KYAT3: variants seen among roughly 807,000 people sequenced by gnomAD.
The protein encoded by KYAT3 is kynurenine--oxoglutarate transaminase 3.
KYAT3 carries 50 observed loss-of-function variants against 59.0 expected under a neutral mutation model. The ratio of observed to expected loss-of-function variants is 0.85; its 90% CI spans 0.68 to 1.07. KYAT3 has a LOEUF of 1.07. Ranked by LOEUF, KYAT3 falls within the 50% of genes least tolerant of loss-of-function variation. KYAT3 has a pLI of 0.00. For missense variants in KYAT3, 497 were observed against 533.3 expected, an observed-to-expected ratio of 0.93 and a Z score of 0.67; for synonymous variants, 148 against 177.0, an observed-to-expected ratio of 0.84 and a Z score of 1.30.
intron 8 of KYAT3, among the ~76,000 whole-genome samples, chr1:88,958,242 T>C (rs1204284279): frequency 6.6e-6 from 1 of 152,126 alleles, no homozygotes; most frequent in Non-Finnish European, 1.5e-5. Flanking sequence ...TTTACCCTGG[T>C]TAAAGGTCTC....
chr1:88,983,965 T>C (rs1677282205), intron 2 of KYAT3: 1 of 922,406 alleles, frequency 1.1e-6, no homozygotes, highest in Non-Finnish European at 1.7e-6. Flanking sequence ...CTAGCACTAC[T>C]GCGCAATCTG....
chr1:88,972,863 T>C (rs1676604641), intron 2 of KYAT3, among the ~76,000 whole-genome samples: 1 of 152,164 alleles, frequency 6.6e-6, no homozygotes, highest in African/African-American at 2.4e-5. Context: ...GTGAAAAACA[T>C]GGTGGAAATG....
At chr1:88,983,468 C>T in intron 2 of KYAT3, 1 of 1,614,112 alleles carries the variant, frequency 6.2e-7, no homozygotes, top group Non-Finnish European at 8.5e-7. Context: ...AGGAGGTCCC[C>T]TGGTTCCTCC....
intron 2 of KYAT3, chr1:88,981,928 G>C (rs1378993964): frequency 1.0e-6 from 1 of 975,892 alleles, no homozygotes; most frequent in East Asian, 1.1e-4. Context: ...GCAAAAATTT[G>C]AAAGAGTAAG....
intron 2 of KYAT3, among the ~76,000 whole-genome samples, chr1:88,978,936 T>A (rs1676934204): frequency 6.6e-6 from 1 of 152,050 alleles, no homozygotes; most frequent in Admixed American, 6.5e-5. Context: ...ATTGCAGGCA[T>A]GAGCCACCAC....
the KYAT3 span, among the ~76,000 whole-genome samples, chr1:88,930,092 C>T: frequency 7.9e-5 from 12 of 152,254 alleles, 2 homozygotes; most frequent in African/African-American, 2.9e-4. Context: ...TACACAGGTC[C>T]GAGGGATCAG....
intron 2 of KYAT3, chr1:88,983,421 T>C: frequency 6.2e-7 from 1 of 1,614,228 alleles, no homozygotes; most frequent in African/African-American, 1.3e-5. Context: ...TTAAAATTCA[T>C]GGAATATCCA....
At chr1:88,921,956 C>A in the KYAT3 span, among the ~76,000 whole-genome samples, 1 of 152,146 alleles carries the variant, frequency 6.6e-6, no homozygotes, top group African/African-American at 2.4e-5. Flanking sequence ...AAAAAACGTC[C>A]CCCTGTAAAC....
intron 2 of KYAT3, among the ~76,000 whole-genome samples, chr1:88,985,898 G>A (rs1461328807): frequency 1.3e-5 from 2 of 152,090 alleles, no homozygotes; most frequent in Admixed American, 6.5e-5. Context: ...AGAGAGGGTT[G>A]GGCTGGACGC....
At chr1:88,938,196 A>G (rs1174453397) in intron 13 of KYAT3, among the ~76,000 whole-genome samples, 1 of 152,146 alleles carries the variant, frequency 6.6e-6, no homozygotes, top group African/African-American at 2.4e-5. Flanking sequence ...AAGTTCTTGA[A>G]ACTTTTAGGT....
In KYAT3 at chr1:88,961,472, T is replaced by C. The variant is rs183255042; in HGVS notation, c.575A>G (p.Asp192Gly). The C allele has an allele frequency of 5.8e-4, 933 of 1,613,354 alleles. 7 individuals are homozygous for C. Among genetic ancestry groups the C allele is most frequent in the Non-Finnish European group, 1.1e-4 (124 of 1,179,406 alleles). ...PVYGKRWSSSDWTLDPQELES... is the reference protein window; with the variant it reads ...PVYGKRWSSSGWTLDPQELES... ...CAGTTCTTGAGGATCTAATGTCCAG[T>C]CAGAACTAGACCATCTTTTTCCATA... The change falls in exon 7 of 14, where the codon GAC becomes GGC. Residue 192 changes from aspartate to glycine, a missense_variant. Coordinates refer to ENST00000260508, the MANE Select transcript of KYAT3 (RefSeq NM_001008661.3).
At position 88,983,501 on chromosome 1, in the gene KYAT3, A is replaced by C. The variant is rs199775968; in HGVS notation, c.99+4751T>G. 4.7e-5 allele frequency: 76 copies of C among 1,614,048 alleles called. No individual in the cohort carries two copies. In the East Asian group the frequency reaches 1.4e-3, roughly 30 times the overall value. On this transcript the variant is annotated intron_variant, in intron 2 of 13. Transcript: ENST00000260508. ...TCCACTTCCTCCTCTTCCAGCTCCA[A>C]AACCTCTTGGAGGACCTCTACTTCT...
In KYAT3 at chr1:88,987,107, C is replaced by T. The variant is rs78869971; in HGVS notation, c.99+1145G>A. 6.8e-3 allele frequency among the ~76,000 whole-genome samples: 1,035 copies of T among 152,304 alleles called. 7 individuals carry two copies. Among genetic ancestry groups the T allele is most frequent in the African/African-American group, 0.024 (1,004 of 41,560 alleles). On this transcript the variant is annotated intron_variant, in intron 2 of 13. Transcript: ENST00000260508. ...GTCAGTGGTTTTTGCCTGGGACATA[C>T]ATCAGAATCAGCTGGAAAGATTTTT...
chr1:88,945,842 T>C (rs1368261909), intron 11 of KYAT3, among the ~76,000 whole-genome samples: 1 of 152,206 alleles, frequency 6.6e-6, no homozygotes, highest in Non-Finnish European at 1.5e-5. Flanking sequence ...AATTTCTTTA[T>C]ATGTAGGAAG....
At chr1:88,986,642 A>G (rs768495371) in intron 2 of KYAT3, among the ~76,000 whole-genome samples, 2 of 152,134 alleles carry the variant, frequency 1.3e-5, no homozygotes, top group Non-Finnish European at 2.9e-5. Flanking sequence ...GAGAATATGT[A>G]AAATGTTTTT....
intron 2 of KYAT3, chr1:88,982,717 T>G (rs1441038071): frequency 1.1e-5 from 17 of 1,613,944 alleles, no homozygotes; most frequent in Non-Finnish European, 1.4e-5. Context: ...CACCTCTTGG[T>G]GCTCCGCGGC....
intron 5 of KYAT3, chr1:88,964,528 T>C (rs989689335): frequency 1.4e-5 from 4 of 292,006 alleles, no homozygotes; most frequent in Non-Finnish European, 2.6e-5. Context: ...AACAAGCCTA[T>C]GGTAATAGAA....
At chr1:88,968,887 TTAC>T in intron 3 of KYAT3, 73 bp from the exon 4 acceptor site, 1 of 1,172,656 alleles carries the variant, frequency 8.5e-7, no homozygotes, top group Non-Finnish European at 1.2e-6. Flanking sequence ...TCTTATAGTC[TTAC>T]CACAAAACAG....
chr1:88,985,687 A>G (rs924257764), intron 2 of KYAT3, among the ~76,000 whole-genome samples: 3 of 152,208 alleles, frequency 2.0e-5, no homozygotes, highest in Admixed American at 1.3e-4. Context: ...TGTAAGTGCT[A>G]TGGCAATTAA....
Sources: allele counts gnomAD v4.1 joint callset (sites outside exome capture counted in the v4.1 genomes callset), GRCh38; gene constraint gnomAD v4.1.1; transcripts MANE v1.5; gene names NCBI Gene and HGNC (gene_info 2026-07-23, HGNC 2026-07-21).